The following NME7 variants were observed in gnomAD, a reference collection of about 807,000 sequenced individuals.
NME7 encodes nucleoside diphosphate kinase 7.
Under a neutral mutation model 49.1 loss-of-function variants are expected in NME7, and 41 were observed. The observed-to-expected ratio is 0.83, with a 90% CI of 0.65 to 1.08. The LOEUF is 1.08. Among genes scored for constraint, NME7 ranks in the 50% least tolerant of loss-of-function variants. The pLI is 0.00. For missense variants in NME7, 423 were observed against 463.4 expected (o/e 0.91, Z 0.80); for synonymous variants, 139 against 150.6 (o/e 0.92, Z 0.56).
intron 1 of NME7, among the ~76,000 whole-genome samples, chr1:169,326,923 A>G (rs1652082147): frequency 6.6e-6 from 1 of 152,184 alleles, no homozygotes; most frequent in Non-Finnish European, 1.5e-5. Flanking sequence ...CCAAATCTAG[A>G]AAAAAGGAGG....
intron 11 of NME7, among the ~76,000 whole-genome samples, chr1:169,144,602 A>AT (rs1423299888): frequency 6.6e-6 from 1 of 152,022 alleles, no homozygotes; most frequent in Non-Finnish European, 1.5e-5. Flanking sequence ...TTCGATAACA[A>AT]TTTTTCCTGG....
In NME7 at chr1:169,275,059, G is replaced by C. The variant is rs1571345365; in HGVS notation, c.754+12244C>G. 1.5e-5 allele frequency among the ~76,000 whole-genome samples: 2 copies of C among 132,672 alleles called. 1 individual carries two copies. The highest frequency in any genetic ancestry group is 1.5e-4 in the Admixed American group (2 of 13,388). 87.0% of individuals were successfully genotyped at this position (132,672 alleles called of 152,430 possible). Reference sequence around the variant, plus strand: ...TTGAATCTATAAATTACCTTAGGCAGTATGGCCATTTTCACGATATTGATT... The same window carrying C: ...TTGAATCTATAAATTACCTTAGGCACTATGGCCATTTTCACGATATTGATT... On this transcript the variant is annotated intron_variant, in intron 7 of 11. Coordinates refer to ENST00000367811, the MANE Select transcript of NME7 (RefSeq NM_013330.5).
chr1:169,364,983 C>T (rs1265025518), intron 1 of NME7, among the ~76,000 whole-genome samples: 2 of 152,188 alleles, frequency 1.3e-5, no homozygotes, highest in Admixed American at 1.3e-4. Context: ...TGTAACTTCA[C>T]CAATTGCTCC....
At chr1:169,313,103 G>C (rs1209745132) in intron 3 of NME7, among the ~76,000 whole-genome samples, 1 of 145,874 alleles carries the variant, frequency 6.9e-6, no homozygotes, top group East Asian at 2.0e-4. Flanking sequence ...AAATTATTCA[G>C]AACAATTCTT....
chr1:169,251,547 C>CTTTTTTTTTTTTTTTTTTTTTTTTTTTTT (rs36096137), intron 7 of NME7, among the ~76,000 whole-genome samples: 1 of 123,988 alleles, frequency 8.1e-6, no homozygotes. Context: ...ACTCTGGTTT[C>CTTTTTTTTTTTTTTTTTTTTTTTTTTTTT]TTTTTTTTTT....
intron 4 of NME7, 163 bp from the exon 5 acceptor site, chr1:169,303,358 A>T (rs1035130821): frequency 8.3e-6 from 3 of 359,536 alleles, no homozygotes; most frequent in Admixed American, 9.2e-5. Flanking sequence ...ACTCTTTTAA[A>T]ATATTTTTTA....
intron 10 of NME7, among the ~76,000 whole-genome samples, chr1:169,204,504 T>C (rs1187896183): frequency 6.6e-6 from 1 of 152,120 alleles, no homozygotes; most frequent in Non-Finnish European, 1.5e-5. Flanking sequence ...GCAATCTCAA[T>C]GCCTATGTGA....
At chr1:169,247,936 C>A (rs548672859) in intron 7 of NME7, among the ~76,000 whole-genome samples, 1 of 152,074 alleles carries the variant, frequency 6.6e-6, no homozygotes, top group Non-Finnish European at 1.5e-5. Context: ...AATTGTGTTG[C>A]AATAAACATA....
chr1:169,321,846 A>G (rs768759912), intron 3 of NME7, among the ~76,000 whole-genome samples: 43 of 152,308 alleles, frequency 2.8e-4, no homozygotes, highest in Non-Finnish European at 5.3e-4. Flanking sequence ...TGTTTTCCCT[A>G]TTGAATTAAA....
intron 10 of NME7, among the ~76,000 whole-genome samples, chr1:169,188,553 G>T (rs894137155): frequency 3.9e-5 from 6 of 152,180 alleles, no homozygotes; most frequent in Admixed American, 2.0e-4. Context: ...GCTAAGAGGT[G>T]AAGCACACTG....
At chr1:169,245,202 C>T (rs1356913555) in intron 7 of NME7, among the ~76,000 whole-genome samples, 1 of 152,026 alleles carries the variant, frequency 6.6e-6, no homozygotes, top group African/African-American at 2.4e-5. Flanking sequence ...TACCTCACAG[C>T]AATCTTGCAG....
At chr1:169,239,765 T>C (rs369759282) in intron 7 of NME7, among the ~76,000 whole-genome samples, 1 of 151,930 alleles carries the variant, frequency 6.6e-6, no homozygotes, top group South Asian at 2.1e-4. Flanking sequence ...TGGAGAAGAA[T>C]ACATATTCAA....
intron 1 of NME7, among the ~76,000 whole-genome samples, chr1:169,343,819 T>C (rs1454027798): frequency 2.6e-5 from 4 of 152,168 alleles, no homozygotes; most frequent in African/African-American, 7.2e-5. Context: ...TACTGTAGCT[T>C]TGTAGTAAGT....
At chr1:169,251,859 T>C (rs1648639429) in intron 7 of NME7, among the ~76,000 whole-genome samples, 1 of 151,896 alleles carries the variant, frequency 6.6e-6, no homozygotes, top group Non-Finnish European at 1.5e-5. Flanking sequence ...TGTTTTCCAG[T>C]TTCATCCATG....
At chr1:169,360,098 G>A (rs1653602902) in intron 1 of NME7, among the ~76,000 whole-genome samples, 1 of 152,288 alleles carries the variant, frequency 6.6e-6, no homozygotes. Flanking sequence ...CATCAAGAAA[G>A]GTACTAGGTG....
intron 1 of NME7, among the ~76,000 whole-genome samples, chr1:169,340,226 C>T (rs1375549899): frequency 2.0e-5 from 3 of 152,116 alleles, no homozygotes; most frequent in African/African-American, 7.2e-5. Context: ...GCAGTTTCCC[C>T]CATGCTGTTC....
At chr1:169,185,730 A>G (rs1660046606) in intron 10 of NME7, among the ~76,000 whole-genome samples, 1 of 152,196 alleles carries the variant, frequency 6.6e-6, no homozygotes, top group African/African-American at 2.4e-5. Context: ...AGCACAGATC[A>G]GAACTGTATT....
chr1:169,318,548 G>C (rs1053801133), intron 3 of NME7, among the ~76,000 whole-genome samples: 24 of 152,180 alleles, frequency 1.6e-4, no homozygotes, highest in African/African-American at 5.6e-4. Context: ...TATTGTGTTA[G>C]TGCATACAGA....
chr1:169,161,860 C>T (rs1314773089), intron 11 of NME7, among the ~76,000 whole-genome samples: 1 of 152,188 alleles, frequency 6.6e-6, no homozygotes, highest in Non-Finnish European at 1.5e-5. Context: ...TGCTTTACTG[C>T]TCAGGGGTCA....
Sources: gnomAD v4.1 joint callset for allele counts (sites outside exome capture counted in the v4.1 genomes callset) on GRCh38, gnomAD v4.1.1 for gene constraint, MANE v1.5 for transcripts, NCBI Gene and HGNC (gene_info 2026-07-23, HGNC 2026-07-21) for gene names.